Variants in PLCG2 observed in about 807,000 individuals in gnomAD.
The protein encoded by PLCG2 is 1-phosphatidylinositol 4,5-bisphosphate phosphodiesterase gamma-2.
Under a neutral mutation model 175.6 loss-of-function variants are expected in PLCG2, and 69 were observed. The ratio of observed to expected loss-of-function variants is 0.39; its 90% CI spans 0.32 to 0.48. The LOEUF (loss-of-function observed/expected upper bound fraction) is 0.48, where lower values mean the gene tolerates loss of function less well. Among genes scored for constraint, PLCG2 ranks in the 20% least tolerant of loss-of-function variants. The pLI, the probability that PLCG2 is intolerant of heterozygous loss-of-function variation, is 0.91. For missense variants in PLCG2, 1,798 were observed against 1,650.9 expected, an observed-to-expected ratio of 1.09 and a Z score of -1.54; for synonymous variants, 827 against 624.0, an observed-to-expected ratio of 1.33 and a Z score of -4.85.
chr16:81,786,814 C>T (rs745924752), intron 2 of PLCG2, among the ~76,000 whole-genome samples: 1 of 152,160 alleles, frequency 6.6e-6, no homozygotes, highest in Non-Finnish European at 1.5e-5. Context: ...AATATTTGCT[C>T]TAATTTGTGT....
At chr16:81,908,970 C>T (rs74665088) in intron 17 of PLCG2, among the ~76,000 whole-genome samples, 1 of 152,294 alleles carries the variant, frequency 6.6e-6, no homozygotes, top group African/African-American at 2.4e-5. Flanking sequence ...AGCCAACCTT[C>T]TAGCATCTCT....
At position 81,848,169 on chromosome 16, in the gene PLCG2, G is replaced by A. The variant is rs544579909; in HGVS notation, c.194-6275G>A. 2.7e-4 allele frequency among the ~76,000 whole-genome samples: 41 copies of A among 152,348 alleles called. No homozygotes were observed. In the South Asian group the frequency reaches 7.7e-3, roughly 28 times the overall value. ...GAACAGGATCAAGAGCGCAGAAATA[G>A]ACCCACACAAATATCATCAACTGAT... On this transcript the variant is annotated intron_variant, in intron 2 of 32. Coordinates refer to ENST00000564138, the MANE Select transcript of PLCG2 (RefSeq NM_002661.5).
At chr16:81,884,149 G>A (rs1474701080) in intron 9 of PLCG2, among the ~76,000 whole-genome samples, 3 of 152,186 alleles carry the variant, frequency 2.0e-5, no homozygotes, top group Admixed American at 6.5e-5. Flanking sequence ...CCAGGAGTTC[G>A]AGACCTACCT....
At chr16:81,944,366 G>A (rs1335589541) in intron 30 of PLCG2, among the ~76,000 whole-genome samples, 1 of 152,064 alleles carries the variant, frequency 6.6e-6, no homozygotes. Context: ...ACAGTATAAC[G>A]ATTATTTACA....
intron 26 of PLCG2, 33 bp from the exon 27 acceptor site, chr16:81,936,136 A>G: frequency 1.9e-6 from 3 of 1,611,676 alleles, no homozygotes; most frequent in Non-Finnish European, 2.5e-6. Flanking sequence ...GATGAGACAC[A>G]GAAGTACTGA....
chr16:81,849,625 T>A (rs1292898454), intron 2 of PLCG2, among the ~76,000 whole-genome samples: 2 of 151,800 alleles, frequency 1.3e-5, no homozygotes, highest in African/African-American at 4.8e-5. Flanking sequence ...ACACAAATTT[T>A]CCAGGTCTGG....
intron 2 of PLCG2, among the ~76,000 whole-genome samples, chr16:81,828,235 ATTTTTTT>A (rs67992648): frequency 1.7e-5 from 1 of 59,400 alleles, no homozygotes; most frequent in African/African-American, 6.8e-5. Flanking sequence ...GAGAAATGTC[ATTTTTTT>A]TTTTTTTTTT....
chr16:81,912,818 C>A, intron 19 of PLCG2, 102 bp downstream of exon 19: 1 of 1,364,674 alleles, frequency 7.3e-7, no homozygotes, highest in Middle Eastern at 1.9e-4. Flanking sequence ...CCTGCAGTGC[C>A]CTGCCCCCCC....
In PLCG2 at chr16:81,950,914, A is replaced by G. The variant is rs555381328; in HGVS notation, c.3570+4651A>G. 8.5e-5 allele frequency among the ~76,000 whole-genome samples: 13 copies of G among 152,312 alleles called. No homozygotes were observed. The South Asian group carries it at 2.5e-3, about 29-fold the overall frequency. On this transcript the variant is annotated intron_variant, in intron 31 of 32. Coordinates refer to ENST00000564138, the MANE Select transcript of PLCG2 (RefSeq NM_002661.5). The stretch of plus-strand genomic sequence containing the variant: ...ATAAAATAGAACAAAGGAATAAAAG[A>G]GATAGAAACCAACTGAATAAAACAC...
intron 2 of PLCG2, among the ~76,000 whole-genome samples, chr16:81,841,492 C>T (rs935865508): frequency 1.3e-5 from 2 of 152,068 alleles, no homozygotes; most frequent in African/African-American, 2.4e-5. Flanking sequence ...CTGCCCACTT[C>T]GGCCTCCCAA....
intron 2 of PLCG2, among the ~76,000 whole-genome samples, chr16:81,772,196 G>C (rs189708232): frequency 2.0e-5 from 3 of 152,122 alleles, no homozygotes; most frequent in South Asian, 2.1e-4. Flanking sequence ...AGAAAGGAGA[G>C]GGGTATTTGA....
intron 8 of PLCG2, among the ~76,000 whole-genome samples, chr16:81,881,414 G>T (rs1224631250): frequency 6.6e-6 from 1 of 152,234 alleles, no homozygotes; most frequent in Admixed American, 6.5e-5. Context: ...TAAAAAGTCA[G>T]AGTTGCAGGA....
chr16:81,907,578 A>C (rs1909429894), intron 15 of PLCG2, 107 bp from the exon 16 acceptor site: 1 of 605,300 alleles, frequency 1.7e-6, no homozygotes, highest in Non-Finnish European at 2.9e-6. Context: ...AAACTGGGAA[A>C]AGCACATCCA....
intron 9 of PLCG2, among the ~76,000 whole-genome samples, chr16:81,884,184 C>T (rs1259928424): frequency 1.3e-5 from 2 of 152,160 alleles, no homozygotes; most frequent in Admixed American, 6.5e-5. Context: ...AACCCCATCT[C>T]TACTAAAAAT....
intron 25 of PLCG2, among the ~76,000 whole-genome samples, chr16:81,934,045 G>T (rs916676285): frequency 6.6e-6 from 1 of 152,186 alleles, no homozygotes; most frequent in Non-Finnish European, 1.5e-5. Context: ...GGGGTCCACA[G>T]AGCCCCCGAG....
At chr16:81,752,315 C>T (rs76747800) in intron 1 of PLCG2, among the ~76,000 whole-genome samples, 7 of 152,116 alleles carry the variant, frequency 4.6e-5, no homozygotes, top group Admixed American at 6.6e-5. Flanking sequence ...AAGAAGCACC[C>T]GGCCAGCTCT....
chr16:81,901,059 C>T (rs1248528617), intron 14 of PLCG2, among the ~76,000 whole-genome samples: 1 of 152,234 alleles, frequency 6.6e-6, no homozygotes, highest in Non-Finnish European at 1.5e-5. Flanking sequence ...AGAATGCGTG[C>T]AACTGCGCCT....
chr16:81,801,128 A>C (rs974947862), intron 2 of PLCG2, among the ~76,000 whole-genome samples: 2 of 152,196 alleles, frequency 1.3e-5, no homozygotes, highest in African/African-American at 4.8e-5. Flanking sequence ...AATTTGAGTA[A>C]AGCTATTATG....
chr16:81,894,594 T>G (rs1010064830), intron 12 of PLCG2, among the ~76,000 whole-genome samples: 2 of 152,164 alleles, frequency 1.3e-5, no homozygotes, highest in African/African-American at 4.8e-5. Context: ...AACAACCAGC[T>G]TGTCGTGGTG....
Sources: allele counts gnomAD v4.1 joint callset (sites outside exome capture counted in the v4.1 genomes callset), GRCh38; gene constraint gnomAD v4.1.1; transcripts MANE v1.5; gene names NCBI Gene and HGNC (gene_info 2026-07-23, HGNC 2026-07-21).